The following GCSH variants were observed in gnomAD, a reference collection of about 807,000 sequenced individuals.
The protein encoded by GCSH is glycine cleavage system H protein, mitochondrial.
In GCSH, 15 loss-of-function variants were observed where a neutral mutation model predicts 21.3. The observed-to-expected ratio is 0.70, with a 90% CI of 0.47 to 1.08. The LOEUF (loss-of-function observed/expected upper bound fraction) is 1.08. Ranked by LOEUF, GCSH falls within the 50% of genes least tolerant of loss-of-function variation. The pLI is 0.00. For synonymous variants in GCSH, 59 were observed against 84.5 expected, an observed-to-expected ratio of 0.70 and a Z score of 1.66; for missense variants, 179 against 217.5, an observed-to-expected ratio of 0.82 and a Z score of 1.11.
intron 3 of GCSH, among the ~76,000 whole-genome samples, chr16:81,085,029 T>TC: frequency 6.7e-6 from 1 of 149,150 alleles, no homozygotes; most frequent in Admixed American, 6.7e-5. Flanking sequence ...TTTTTTTTTT[T>TC]TTTTGAGACG....
chr16:81,089,762 C>T (rs1046026944), intron 2 of GCSH, among the ~76,000 whole-genome samples: 2 of 152,136 alleles, frequency 1.3e-5, no homozygotes, highest in African/African-American at 2.4e-5. Context: ...TAAACAGTAT[C>T]GCCATATGGA....
intron 1 of GCSH, among the ~76,000 whole-genome samples, chr16:81,091,751 C>T (rs956704760): frequency 6.6e-6 from 1 of 152,004 alleles, no homozygotes; most frequent in Non-Finnish European, 1.5e-5. Context: ...AGCTCTGATA[C>T]GCAGCACAAC....
chr16:81,084,920 T>A (rs1036715578), intron 3 of GCSH, among the ~76,000 whole-genome samples: 2 of 151,586 alleles, frequency 1.3e-5, no homozygotes, highest in South Asian at 4.2e-4. Flanking sequence ...TTTCACTGTG[T>A]TAGCTAGGAT....
intron 2 of GCSH, among the ~76,000 whole-genome samples, chr16:81,088,982 GGAC>G (rs1972338798): frequency 6.6e-6 from 1 of 152,192 alleles, no homozygotes; most frequent in East Asian, 1.9e-4. Flanking sequence ...TAGGAGGTAA[GGAC>G]GACATCTTAC....
intron 2 of GCSH, among the ~76,000 whole-genome samples, chr16:81,089,844 G>A (rs1369786553): frequency 2.0e-5 from 3 of 152,108 alleles, no homozygotes; most frequent in Admixed American, 2.0e-4. Context: ...TGCCTATTGA[G>A]GTTTTCTTTC....
At chr16:81,096,083 C>T in intron 1 of GCSH, 48 bp downstream of exon 1, 4 of 1,226,974 alleles carry the variant, frequency 3.3e-6, no homozygotes, top group Non-Finnish European at 4.1e-6. Context: ...CCGGGACAAG[C>T]AGCCCAGGCG....
Position 81,082,486 on chromosome 16 carries a change from A to G in GCSH, c.*380T>C. ...TCACTTCCAGTTATTTCCAATGGAA[A>G]GATCATTAAGTATTTCATCCCAAAT... On this transcript the variant is annotated 3_prime_UTR_variant, in exon 5 of 5. Transcript: ENST00000315467. The G allele has an allele frequency of 2.6e-6, 1 of 382,926 alleles. No individual in the cohort carries two copies. Among genetic ancestry groups the G allele is most frequent in the South Asian group, 1.9e-5 (1 of 52,550 alleles). 23.7% of individuals were successfully genotyped at this position (382,926 alleles called of 1,614,324 possible). A position where few individuals can be genotyped will look rare whatever the true frequency, so the allele number is the denominator to read the frequency against.
chr16:81,093,695 G>GCC (rs751098249), intron 1 of GCSH, among the ~76,000 whole-genome samples: 95 of 152,030 alleles, frequency 6.2e-4, no homozygotes, highest in Admixed American at 3.3e-3. Context: ...CAAAAAATTG[G>GCC]CCGGGTATGG....
At chr16:81,096,058 C>A in intron 1 of GCSH, 73 bp downstream of exon 1, 1 of 1,181,776 alleles carries the variant, frequency 8.5e-7, no homozygotes, top group Non-Finnish European at 1.1e-6. Context: ...CGGCGTCCTC[C>A]GTGTCCCGCT....
intron 2 of GCSH, among the ~76,000 whole-genome samples, chr16:81,090,115 G>A (rs1379324912): frequency 4.0e-5 from 6 of 150,666 alleles, no homozygotes; most frequent in African/African-American, 7.4e-5. Context: ...TTTGGAGATG[G>A]AGTCTCACTC....
At chr16:81,085,076 G>A (rs1972246461) in intron 3 of GCSH, among the ~76,000 whole-genome samples, 2 of 137,092 alleles carry the variant, frequency 1.5e-5, no homozygotes, top group Non-Finnish European at 3.0e-5. Context: ...GTACAATGGT[G>A]TGTTCTAGGC....
Position 81,087,051 on chromosome 16 carries a change from G to A in GCSH, c.292+550C>T, listed in dbSNP as rs753674812. The stretch of plus-strand genomic sequence containing the variant: ...GTTTAAGGATATTATCTAACATATC[G>A]ATATTAATAGACTTTTTTTCTCTCT... On this transcript the variant is annotated intron_variant, in intron 3 of 4. Coordinates refer to ENST00000315467, the MANE Select transcript of GCSH (RefSeq NM_004483.5). 7.9e-5 allele frequency among the ~76,000 whole-genome samples: 12 copies of A among 152,098 alleles called. No homozygotes were observed. In the South Asian group the frequency reaches 8.3e-4, roughly 11 times the overall value.
At chr16:81,094,429 CGG>C (rs1972459413) in intron 1 of GCSH, among the ~76,000 whole-genome samples, 2 of 150,876 alleles carry the variant, frequency 1.3e-5, no homozygotes, top group South Asian at 4.2e-4. Context: ...TGTTTGAACC[CGG>C]GAAGCGAAGG....
At position 81,087,495 on chromosome 16, in the gene GCSH, C is replaced by CAA. The variant is rs372993879; in HGVS notation, c.292+105_292+106insTT. 8,081 of 832,730 alleles carry CAA rather than the reference C, an allele frequency of 9.7e-3. 254 individuals carry two copies. The African/African-American group carries it at 0.1, about 11-fold the overall frequency. The allele number at this position is 832,730 out of a possible 1,614,324, so 51.6% of individuals were successfully genotyped here. A position where few individuals can be genotyped will look rare whatever the true frequency, so the allele number is the denominator to read the frequency against. On this transcript the variant is annotated intron_variant, in intron 3 of 4. Coordinates refer to ENST00000315467, the MANE Select transcript of GCSH (RefSeq NM_004483.5). ...CCTGGGTGACAAAGCAAGACTGTCTCCAAAAAAAAAAAAGCACTCTAATTA... is the reference window on the plus strand; with the variant it reads ...CCTGGGTGACAAAGCAAGACTGTCTCAACAAAAAAAAAAAAGCACTCTAATTA...
intron 1 of GCSH, 131 bp downstream of exon 1, chr16:81,096,000 G>T: frequency 1.4e-6 from 1 of 730,136 alleles, no homozygotes; most frequent in Non-Finnish European, 1.9e-6. Flanking sequence ...AATAAGAAGG[G>T]GGCAGGGTCC....
At chr16:81,095,815 C>CTG (rs1417864177) in intron 1 of GCSH, among the ~76,000 whole-genome samples, 2 of 152,090 alleles carry the variant, frequency 1.3e-5, no homozygotes, top group Middle Eastern at 3.2e-3. Context: ...CGACACGTGC[C>CTG]TGGCTTCTGC....
chr16:81,093,877 GGAA>G, intron 1 of GCSH, among the ~76,000 whole-genome samples: 1 of 152,098 alleles, frequency 6.6e-6, no homozygotes, highest in East Asian at 1.9e-4. Flanking sequence ...TGGCCCGACA[GGAA>G]GAAGTGGATA....
chr16:81,095,876 T>G (rs912976904), intron 1 of GCSH, among the ~76,000 whole-genome samples: 8 of 151,772 alleles, frequency 5.3e-5, no homozygotes, highest in African/African-American at 1.9e-4. Context: ...CCCGCCTCGG[T>G]GTCCCGCAGG....
chr16:81,086,577 A>G (rs1483071254), intron 3 of GCSH, among the ~76,000 whole-genome samples: 1 of 151,978 alleles, frequency 6.6e-6, no homozygotes, highest in Admixed American at 6.6e-5. Flanking sequence ...GAAGAAAAAA[A>G]AAAGAACAGT....
Sources: allele counts gnomAD v4.1 joint callset (sites outside exome capture counted in the v4.1 genomes callset), GRCh38; gene constraint gnomAD v4.1.1; transcripts MANE v1.5; gene names NCBI Gene and HGNC (gene_info 2026-07-23, HGNC 2026-07-21).